DACH2: variants seen among roughly 807,000 people sequenced by gnomAD.
DACH2 encodes the protein dachshund homolog 2.
In DACH2, 17 loss-of-function variants were observed where a neutral mutation model predicts 35.8. The ratio of observed to expected loss-of-function variants is 0.48; its 90% confidence interval spans 0.33 to 0.71. DACH2 has a LOEUF of 0.71. Ranked by LOEUF, DACH2 falls within the 30% of genes least tolerant of loss-of-function variation. DACH2 has a pLI of 0.02. For missense variants in DACH2, 469 were observed against 472.7 expected (o/e 0.99, Z 0.07); for synonymous variants, 195 against 177.3 (o/e 1.10, Z -0.79).
chrX:86,719,129 T>C (rs909978433), intron 6 of DACH2, among the ~76,000 whole-genome samples: 2 of 112,300 alleles, frequency 1.8e-5, no homozygotes, highest in Non-Finnish European at 3.8e-5. Context: ...CCATTTGTTT[T>C]TGACATCTAC....
chrX:86,376,730 A>G (rs1414393347), intron 1 of DACH2, 94 bp from the exon 2 acceptor site: 1 of 1,057,147 alleles, frequency 9.5e-7, no homozygotes, highest in Admixed American at 4.0e-5. Flanking sequence ...GTTTTGTGAA[A>G]TATAATAAAG....
chrX:86,230,616 T>C (rs955876274), intron 1 of DACH2, among the ~76,000 whole-genome samples: 3 of 111,557 alleles, frequency 2.7e-5, no homozygotes, highest in Non-Finnish European at 5.6e-5. Flanking sequence ...TGTCTGGTCC[T>C]GGACTTTTTT....
chrX:86,598,779 A>G (rs1220020873), intron 3 of DACH2, among the ~76,000 whole-genome samples: 1 of 104,623 alleles, frequency 9.6e-6, no homozygotes, highest in Admixed American at 1.0e-4. Context: ...CCTTAGGGAG[A>G]GCTTCTTAGT....
intron 2 of DACH2, among the ~76,000 whole-genome samples, chrX:86,382,509 C>T (rs2036062723): frequency 9.3e-6 from 1 of 107,090 alleles, no homozygotes; most frequent in African/African-American, 3.4e-5. Context: ...CACACACGTC[C>T]TCTTGCCAGC....
At chrX:86,306,773 A>T (rs1482017511) in intron 1 of DACH2, among the ~76,000 whole-genome samples, 1 of 111,461 alleles carries the variant, frequency 9.0e-6, no homozygotes, top group African/African-American at 3.3e-5. Flanking sequence ...GTTAATACTC[A>T]ATAAACTCAT....
chrX:86,634,016 G>A (rs2040233262), intron 3 of DACH2, among the ~76,000 whole-genome samples: 1 of 111,838 alleles, frequency 8.9e-6, no homozygotes, highest in South Asian at 3.7e-4. Context: ...GGCTGTACAG[G>A]AAGCATTACT....
intron 1 of DACH2, among the ~76,000 whole-genome samples, chrX:86,319,028 T>A (rs1241915866): frequency 8.9e-6 from 1 of 112,291 alleles, no homozygotes; most frequent in Non-Finnish European, 1.9e-5. Flanking sequence ...TGAAACCTTA[T>A]AGACAATTCT....
At chrX:86,334,287 G>C (rs1481695046) in intron 1 of DACH2, among the ~76,000 whole-genome samples, 1 of 111,596 alleles carries the variant, frequency 9.0e-6, no homozygotes, top group African/African-American at 3.3e-5. Context: ...GGGATTGCTG[G>C]GTCAAAAGGT....
At chrX:86,264,016 T>C (rs959169175) in intron 1 of DACH2, among the ~76,000 whole-genome samples, 6 of 112,289 alleles carry the variant, frequency 5.3e-5, no homozygotes, top group African/African-American at 1.9e-4. Flanking sequence ...AAAGCAGTCA[T>C]AGGTAGTTGA....
Position 86,397,942 on chromosome X carries a change from T to A in DACH2, c.527+21080T>A, listed in dbSNP as rs1230160899. Among the ~76,000 whole-genome samples the A allele has an allele frequency of 2.7e-5, 3 of 111,869 alleles. No individual in the cohort carries two copies. The South Asian group carries it at 1.1e-3, about 42-fold the overall frequency. On this transcript the variant is annotated intron_variant, in intron 2 of 11. Coordinates refer to ENST00000373125, the MANE Select transcript of DACH2 (RefSeq NM_053281.3). ...GGAGGATTCCCTCTTTTTCTATTGA[T>A]TGGAATAGTTTCAGAAGGAATGGTA...
chrX:86,252,822 G>T (rs761289358), intron 1 of DACH2, among the ~76,000 whole-genome samples: 1 of 110,977 alleles, frequency 9.0e-6, no homozygotes, highest in African/African-American at 3.3e-5. Context: ...GTTTGGCTAT[G>T]TGAGCTCTTT....
At chrX:86,822,611 T>G (rs905456269) in intron 11 of DACH2, among the ~76,000 whole-genome samples, 6 of 112,081 alleles carry the variant, frequency 5.4e-5, no homozygotes, top group African/African-American at 1.9e-4. Context: ...TCTCACATAG[T>G]TAGCTAGTTA....
At chrX:86,275,931 C>G (rs1287078224) in intron 1 of DACH2, among the ~76,000 whole-genome samples, 1 of 112,178 alleles carries the variant, frequency 8.9e-6, no homozygotes, top group Non-Finnish European at 1.9e-5. Flanking sequence ...TGTATATGTA[C>G]CACATTTTCT....
At chrX:86,741,289 T>A (rs1233606312) in intron 7 of DACH2, among the ~76,000 whole-genome samples, 1 of 111,574 alleles carries the variant, frequency 9.0e-6, no homozygotes. Context: ...TATATGTTTT[T>A]TGGAGCCCTT....
At chrX:86,391,958 A>AT in intron 2 of DACH2, among the ~76,000 whole-genome samples, 1 of 111,109 alleles carries the variant, frequency 9.0e-6, no homozygotes, top group South Asian at 3.7e-4. Flanking sequence ...TTTATTTTTC[A>AT]TTTTTTAAAT....
chrX:86,742,100 A>C (rs1255642990), intron 7 of DACH2, among the ~76,000 whole-genome samples: 2 of 111,084 alleles, frequency 1.8e-5, no homozygotes, highest in East Asian at 5.7e-4. Flanking sequence ...TTGACAATAT[A>C]GTTTATTTCT....
intron 4 of DACH2, among the ~76,000 whole-genome samples, chrX:86,652,713 T>C (rs1475186377): frequency 1.8e-5 from 2 of 112,352 alleles, no homozygotes; most frequent in African/African-American, 6.5e-5. Context: ...TTGAGCTTTT[T>C]TCATATGCTT....
At chrX:86,169,530 C>T (rs1278884543) in intron 1 of DACH2, among the ~76,000 whole-genome samples, 2 of 110,626 alleles carry the variant, frequency 1.8e-5, no homozygotes, top group African/African-American at 6.6e-5. Flanking sequence ...CTTAGACTTG[C>T]CCTTTTAATG....
rs766793119 is a variant in DACH2 at position 86,349,766 on chromosome X, CT to C, written c.489-27048del. Reference sequence around the variant, plus strand: ...ATGGGAAGCTGCATTTTACAGTAATCTTTTTTTTTTAATTTTTCTGTGATTC... The same window carrying C: ...ATGGGAAGCTGCATTTTACAGTAATCTTTTTTTTTAATTTTTCTGTGATTC... On this transcript the variant is annotated intron_variant, in intron 1 of 11. Transcript: ENST00000373125. Among the ~76,000 whole-genome samples, 233 of 109,642 alleles carry C rather than the reference CT, an allele frequency of 2.1e-3. 1 individual carries two copies. The Middle Eastern group carries it at 0.024, about 11-fold the overall frequency.
Sources: allele counts gnomAD v4.1 joint callset (sites outside exome capture counted in the v4.1 genomes callset), GRCh38; gene constraint gnomAD v4.1.1; transcripts MANE v1.5; gene names NCBI Gene and HGNC (gene_info 2026-07-23, HGNC 2026-07-21).